Variants in CCDC7 observed in about 807,000 individuals in gnomAD.
The protein encoded by CCDC7 is coiled-coil domain-containing protein 7.
A neutral mutation model predicts 196.9 loss-of-function variants in CCDC7; 183 were observed. The observed-to-expected ratio is 0.93, with a 90% confidence interval of 0.82 to 1.05. The LOEUF (loss-of-function observed/expected upper bound fraction) is 1.05. Ranked by LOEUF, CCDC7 falls within the 50% of genes least tolerant of loss-of-function variation. The pLI is 0.00. For missense variants in CCDC7, 1,540 were observed against 1,482.2 expected, an observed-to-expected ratio of 1.04 and a Z score of -0.64; for synonymous variants, 525 against 484.6, an observed-to-expected ratio of 1.08 and a Z score of -1.10.
chr10:32,516,286 A>AT (rs1366967209), intron 9 of CCDC7, among the ~76,000 whole-genome samples: 4 of 151,036 alleles, frequency 2.6e-5, no homozygotes, highest in Admixed American at 6.6e-5. Flanking sequence ...TAGTTACTAG[A>AT]TTTTTTTTGT....
chr10:32,561,978 G>A (rs1371824477), intron 13 of CCDC7, among the ~76,000 whole-genome samples: 7 of 140,182 alleles, frequency 5.0e-5, no homozygotes, highest in South Asian at 2.2e-4. Context: ...TATCACCACC[G>A]ATCCCACAGA....
intron 41 of CCDC7, among the ~76,000 whole-genome samples, chr10:32,857,979 TAA>T (rs2093818556): frequency 6.6e-6 from 1 of 151,830 alleles, no homozygotes; most frequent in Admixed American, 6.6e-5. Context: ...AAAAGGATCA[TAA>T]GAGACTAGTA....
intron 28 of CCDC7, among the ~76,000 whole-genome samples, chr10:32,741,565 T>C (rs1418401968): frequency 6.6e-6 from 1 of 152,226 alleles, no homozygotes; most frequent in African/African-American, 2.4e-5. Context: ...CCACAAATAC[T>C]GTATTTGTAA....
At chr10:32,779,340 G>C (rs1484107866) in intron 29 of CCDC7, among the ~76,000 whole-genome samples, 3 of 152,060 alleles carry the variant, frequency 2.0e-5, no homozygotes, top group African/African-American at 7.2e-5. Flanking sequence ...ATACATATAG[G>C]CTTTCCACTA....
At chr10:32,730,770 T>G (rs1197381712) in intron 28 of CCDC7, among the ~76,000 whole-genome samples, 1 of 152,012 alleles carries the variant, frequency 6.6e-6, no homozygotes, top group Non-Finnish European at 1.5e-5. Flanking sequence ...CCTTCCTTCT[T>G]GTAGTCCAGA....
chr10:32,701,019 C>T (rs1305817716), intron 24 of CCDC7, among the ~76,000 whole-genome samples: 2 of 152,140 alleles, frequency 1.3e-5, no homozygotes, highest in African/African-American at 2.4e-5. Context: ...AATATGACTT[C>T]CTCTTTTCCT....
intron 32 of CCDC7, among the ~76,000 whole-genome samples, chr10:32,827,065 A>T (rs1417004118): frequency 6.6e-6 from 1 of 152,212 alleles, no homozygotes; most frequent in Non-Finnish European, 1.5e-5. Flanking sequence ...CCAATGGGTG[A>T]CCTCAGCAGA....
chr10:32,461,155 G>T (rs1433055229), intron 3 of CCDC7, among the ~76,000 whole-genome samples: 1 of 152,052 alleles, frequency 6.6e-6, no homozygotes, highest in Non-Finnish European at 1.5e-5. Context: ...TTTGAACTGT[G>T]TATGGATGCT....
chr10:32,749,061 C>T (rs2075269098), intron 28 of CCDC7, among the ~76,000 whole-genome samples: 1 of 152,178 alleles, frequency 6.6e-6, no homozygotes, highest in Non-Finnish European at 1.5e-5. Flanking sequence ...TCACTAATTG[C>T]AATTCAGGTT....
At chr10:32,614,187 T>C (rs903402597) in intron 18 of CCDC7, among the ~76,000 whole-genome samples, 2 of 152,184 alleles carry the variant, frequency 1.3e-5, no homozygotes, top group African/African-American at 4.8e-5. Flanking sequence ...TTTTGATCTT[T>C]GTTGATTTAA....
chr10:32,837,617 C>T (rs931102770), intron 33 of CCDC7, among the ~76,000 whole-genome samples: 3 of 152,030 alleles, frequency 2.0e-5, no homozygotes, highest in Non-Finnish European at 4.4e-5. Flanking sequence ...TATAAAGACA[C>T]ATGCACATGT....
intron 32 of CCDC7, among the ~76,000 whole-genome samples, chr10:32,828,543 GAAGAAGAAGAAGAA>G (rs2091722722): frequency 6.8e-6 from 1 of 147,406 alleles, no homozygotes; most frequent in Admixed American, 6.8e-5. Context: ...AGAAGAAGAA[GAAGAAGAAGAAGAA>G]GAAAGAAGAA....
chr10:32,456,393 A>T, intron 3 of CCDC7, 59 bp downstream of exon 4: 1 of 1,348,976 alleles, frequency 7.4e-7, no homozygotes, highest in East Asian at 2.7e-5. Flanking sequence ...GGTTGTTGAA[A>T]ATTGAATCTG....
chr10:32,521,297 T>G (rs1474142829), intron 11 of CCDC7, among the ~76,000 whole-genome samples: 1 of 152,142 alleles, frequency 6.6e-6, no homozygotes, highest in Non-Finnish European at 1.5e-5. Flanking sequence ...AATCTGTACA[T>G]TGCTTTGGGT....
intron 24 of CCDC7, among the ~76,000 whole-genome samples, chr10:32,706,522 A>G (rs1162857820): frequency 6.6e-6 from 1 of 152,116 alleles, no homozygotes; most frequent in Admixed American, 6.5e-5. Flanking sequence ...ACAATCAATT[A>G]ATCCAGGAAA....
exon 2 of CCDC7, chr10:32,453,402 T>C: frequency 1.3e-6 from 2 of 1,554,480 alleles, no homozygotes; most frequent in Non-Finnish European, 1.7e-6. Context: ...GAAGAACCAT[T>C]TGTAAAGCAT....
chr10:32,619,328 C>G (rs1207566449), intron 18 of CCDC7, among the ~76,000 whole-genome samples: 1 of 151,682 alleles, frequency 6.6e-6, no homozygotes, highest in Admixed American at 6.6e-5. Context: ...CAGAATTCAA[C>G]AAAATGGTAG....
At chr10:32,543,594 AGAG>A (rs1464587397) in intron 12 of CCDC7, among the ~76,000 whole-genome samples, 2 of 152,092 alleles carry the variant, frequency 1.3e-5, no homozygotes, top group Non-Finnish European at 2.9e-5. Context: ...ATGGACTGGA[AGAG>A]GAGATTGAAC....
rs960916309 is a variant in CCDC7, at chr10:32,602,287, A to G, written c.1801+17983A>G. On this transcript the variant is annotated intron_variant, in intron 18 of 41. Transcript: ENST00000639629. ...CCACCAGAAAGAAGAAACTCCGGAC[A>G]CATCTGAACATCTGAAGGAACAAAT... 2.0e-4 allele frequency among the ~76,000 whole-genome samples: 31 copies of G among 151,918 alleles called. 1 individual carries two copies. The highest frequency in any genetic ancestry group is 1.6e-4 in the Non-Finnish European group (11 of 67,990).
Sources: gnomAD v4.1 joint callset for allele counts (sites outside exome capture counted in the v4.1 genomes callset) on GRCh38, gnomAD v4.1.1 for gene constraint, MANE v1.5 for transcripts, NCBI Gene and HGNC (gene_info 2026-07-23, HGNC 2026-07-21) for gene names.